Variants in B4GALNT2 observed in about 807,000 individuals in gnomAD.
The protein encoded by B4GALNT2 is N-acetylneuraminylgalactosylglucosyl-glucoside beta-1,4-N- acetylgalactosaminyltransferase 2.
B4GALNT2 carries 42 observed loss-of-function variants against 51.1 expected under a neutral mutation model. The ratio of observed to expected loss-of-function variants is 0.82; its 90% CI spans 0.64 to 1.06. The LOEUF is 1.06. Ranked by LOEUF, B4GALNT2 falls within the 50% of genes least tolerant of loss-of-function variation. B4GALNT2 has a pLI of 0.00. For synonymous variants in B4GALNT2, 253 were observed against 251.7 expected (o/e 1.01, Z -0.05); for missense variants, 602 against 633.6 (o/e 0.95, Z 0.54).
At chr17:49,144,853 A>C (rs2144290508) in intron 3 of B4GALNT2, among the ~76,000 whole-genome samples, 1 of 152,314 alleles carries the variant, frequency 6.6e-6, no homozygotes, top group Admixed American at 6.5e-5. Context: ...GGCTGTCTGC[A>C]AGCTGAGGAG....
At chr17:49,147,849 A>ATG (rs145703535) in intron 3 of B4GALNT2, among the ~76,000 whole-genome samples, 22,375 of 149,070 alleles carry the variant, frequency 0.15, 2,023 homozygotes, top group East Asian at 0.43. Context: ...TTATATATAT[A>ATG]TGTGTGTGTG....
chr17:49,136,061 C>G (rs2042587182), intron 1 of B4GALNT2, among the ~76,000 whole-genome samples: 1 of 137,902 alleles, frequency 7.3e-6, no homozygotes. Context: ...CCAGCCTGGG[C>G]AACAGAGCGA....
chr17:49,138,931 G>T (rs1287491941), intron 1 of B4GALNT2, among the ~76,000 whole-genome samples: 1 of 152,086 alleles, frequency 6.6e-6, no homozygotes, highest in East Asian at 1.9e-4. Context: ...AACTTCTCTT[G>T]TTATGCTGTT....
the B4GALNT2 span, among the ~76,000 whole-genome samples, chr17:49,125,739 G>A: frequency 1.4e-5 from 1 of 69,194 alleles, no homozygotes. Flanking sequence ...GCCCCGTCCC[G>A]GAGGGAGGTG....
the B4GALNT2 span, among the ~76,000 whole-genome samples, chr17:49,126,414 G>C: frequency 6.7e-6 from 1 of 148,214 alleles, no homozygotes; most frequent in Non-Finnish European, 1.5e-5. Flanking sequence ...TTGTTCACTT[G>C]TTTATCTGCT....
chr17:49,139,885 G>A (rs1477256454), intron 1 of B4GALNT2, among the ~76,000 whole-genome samples: 2 of 151,086 alleles, frequency 1.3e-5, no homozygotes, highest in Non-Finnish European at 2.9e-5. Context: ...AGTTTTCTTT[G>A]TGTCCTAATA....
intron 2 of B4GALNT2, 93 bp downstream of exon 2, chr17:49,141,540 T>C (rs2042644271): frequency 7.5e-7 from 1 of 1,329,780 alleles, no homozygotes; most frequent in East Asian, 2.3e-5. Flanking sequence ...ATTGTACAGA[T>C]GGTTCCCTTG....
intron 5 of B4GALNT2, among the ~76,000 whole-genome samples, chr17:49,158,443 G>A (rs771988619): frequency 1.3e-5 from 2 of 152,116 alleles, no homozygotes; most frequent in Non-Finnish European, 2.9e-5. Flanking sequence ...AGACCAGCCT[G>A]GCAAACACGG....
Position 49,170,722 on chromosome 17 carries a change from A to G in B4GALNT2, c.*994A>G, listed in dbSNP as rs1338171334. On this transcript the variant is annotated 3_prime_UTR_variant, in exon 11 of 11. Coordinates refer to ENST00000393354, the MANE Select transcript of B4GALNT2 (RefSeq NM_001159387.2). ...TAAAGACACACACATAGAAATATAG[A>G]GTGTGGAGTGGGAAATCAGGGGACT... The G allele has an allele frequency of 6.6e-6, 1 of 152,188 alleles. No individual in the cohort carries two copies. The highest frequency in any genetic ancestry group is 1.5e-5 in the Non-Finnish European group (1 of 68,042). The allele number at this position is 152,188 out of a possible 1,614,324, so 9.4% of individuals were successfully genotyped here. A position where few individuals can be genotyped will look rare whatever the true frequency, so the allele number is the denominator to read the frequency against.
At chr17:49,126,457 C>T in the B4GALNT2 span, among the ~76,000 whole-genome samples, 6 of 143,166 alleles carry the variant, frequency 4.2e-5, no homozygotes, top group Admixed American at 3.6e-4. Flanking sequence ...TATGACCCTG[C>T]CAAATCCCCC....
chr17:49,156,575 T>A lies in B4GALNT2; in HGVS notation c.470T>A (p.Phe157Tyr), dbSNP rs1567862902. ...LHTVPIPGLQ[F>Y]EGPDAPVYEV... ...TCCCTGTGTCCTCCAGGCCTCCAGTTTGAAGGACCCGATGCCCCCGTCTAT... is the reference window on the plus strand; with the variant it reads ...TCCCTGTGTCCTCCAGGCCTCCAGTATGAAGGACCCGATGCCCCCGTCTAT... Residue 157 changes from phenylalanine to tyrosine, a missense_variant, in exon 5 of 11, where the codon TTT (phenylalanine) becomes TAT (tyrosine). Physicochemically the swap from Phe to Tyr is conservative, Grantham distance 22. Transcript: ENST00000393354. The A allele has an allele frequency of 1.2e-6, 2 of 1,613,830 alleles. No individual in the cohort carries two copies. The highest frequency in any genetic ancestry group is 1.7e-6 in the Non-Finnish European group (2 of 1,179,920).
chr17:49,129,943 T>A (rs985286545), upstream of B4GALNT2, among the ~76,000 whole-genome samples: 1 of 152,224 alleles, frequency 6.6e-6, no homozygotes, highest in Admixed American at 6.5e-5. Flanking sequence ...TTGTCCAAGA[T>A]GGTGATGCTC....
chr17:49,137,334 T>C (rs2042600024), intron 1 of B4GALNT2, among the ~76,000 whole-genome samples: 2 of 152,190 alleles, frequency 1.3e-5, no homozygotes, highest in African/African-American at 2.4e-5. Flanking sequence ...ATGAATGGAT[T>C]AATGCCATTA....
At chr17:49,130,801 AG>A (rs2042533705), upstream of B4GALNT2, among the ~76,000 whole-genome samples, 1 of 152,098 alleles carries the variant, frequency 6.6e-6, no homozygotes, top group South Asian at 2.1e-4. Context: ...CTCTGGGTTG[AG>A]GGGTTGTAGT....
Position 49,135,385 on chromosome 17 carries a change from C to T in B4GALNT2, c.14+2579C>T, listed in dbSNP as rs117519039. Among the ~76,000 whole-genome samples, 155 of 151,166 alleles carry T rather than the reference C, an allele frequency of 1.0e-3. 5 individuals carry two copies. In the East Asian group the frequency reaches 0.025, roughly 24 times the overall value. On this transcript the variant is annotated intron_variant, in intron 1 of 10. Coordinates refer to ENST00000393354, the MANE Select transcript of B4GALNT2 (RefSeq NM_001159387.2). ...TGACGGAGTTTCACTTTGCAACCTCCGCCTCCCAGGTTCAAGCGATTCTCC... is the reference window on the plus strand; with the variant it reads ...TGACGGAGTTTCACTTTGCAACCTCTGCCTCCCAGGTTCAAGCGATTCTCC...
chr17:49,157,764 A>G lies in B4GALNT2; in HGVS notation c.498+1161A>G, dbSNP rs188068373. On this transcript the variant is annotated intron_variant, in intron 5 of 10. Transcript: ENST00000393354. ...GGCGTGAGCCATCGTGCCTGGCTATATTGTCTTCTTCGTAGTCCTGCTCTG... is the reference window on the plus strand; with the variant it reads ...GGCGTGAGCCATCGTGCCTGGCTATGTTGTCTTCTTCGTAGTCCTGCTCTG... Among the ~76,000 whole-genome samples the G allele has an allele frequency of 8.5e-5, 13 of 152,124 alleles. No homozygotes were observed. In the East Asian group the frequency reaches 2.1e-3, roughly 25 times the overall value.
chr17:49,122,670 A>G, the B4GALNT2 span, among the ~76,000 whole-genome samples: 11 of 152,306 alleles, frequency 7.2e-5, no homozygotes, highest in Non-Finnish European at 1.5e-4. Context: ...ACTAGGCCCA[A>G]CTGGTTGAGA....
intron 7 of B4GALNT2, among the ~76,000 whole-genome samples, chr17:49,162,466 C>T (rs370417717): frequency 2.0e-4 from 30 of 152,252 alleles, no homozygotes; most frequent in South Asian, 1.0e-3. Context: ...TAAATTGGCA[C>T]CTCTCGGGAG....
chr17:49,125,563 C>T, the B4GALNT2 span, among the ~76,000 whole-genome samples: 14 of 152,116 alleles, frequency 9.2e-5, no homozygotes, highest in African/African-American at 3.4e-4. Context: ...GTGTCGCCGC[C>T]ATCCGGTCTG....
Sources: allele counts gnomAD v4.1 joint callset (sites outside exome capture counted in the v4.1 genomes callset), GRCh38; gene constraint gnomAD v4.1.1; transcripts MANE v1.5; gene names NCBI Gene and HGNC (gene_info 2026-07-23, HGNC 2026-07-21).